Variants in DAB1 observed in about 807,000 individuals in gnomAD.
The protein encoded by DAB1 is disabled homolog 1.
In DAB1, 15 loss-of-function variants were observed where a neutral mutation model predicts 64.6. The ratio of observed to expected loss-of-function variants is 0.23; its 90% CI spans 0.16 to 0.36. The LOEUF is 0.36. Among genes scored for constraint, DAB1 ranks in the 10% least tolerant of loss-of-function variants. The probability of loss-of-function intolerance (pLI) is 1.00; values close to 1 mark genes in which losing one functional copy is unlikely to be tolerated. For missense variants in DAB1, 596 were observed against 706.7 expected, an observed-to-expected ratio of 0.84 and a Z score of 1.78; for synonymous variants, 235 against 251.9, an observed-to-expected ratio of 0.93 and a Z score of 0.64.
chr1:58,330,950 G>T lies in DAB1; in HGVS notation n.309+12402C>A, dbSNP rs144003311. On this transcript the variant is annotated intron_variant and non_coding_transcript_variant, in intron 4 of 20. Transcript: ENST00000485760. ...TTCTGCAGTCCATTGATGAAGGAAT[G>T]ATTTTGACTTTCAAGTCTTATTATT... 4.1e-3 allele frequency among the ~76,000 whole-genome samples: 621 copies of T among 152,248 alleles called. 2 individuals carry two copies. Among genetic ancestry groups the T allele is most frequent in the African/African-American group, 9.9e-3 (413 of 41,538 alleles).
chr1:57,883,271 T>C (rs1421121833), intron 1 of DAB1, among the ~76,000 whole-genome samples: 1 of 152,226 alleles, frequency 6.6e-6, no homozygotes, highest in Non-Finnish European at 1.5e-5. Flanking sequence ...TTACGTGACT[T>C]AATCAATTCA....
intron 4 of DAB1, among the ~76,000 whole-genome samples, chr1:58,229,320 C>A (rs1440183813): frequency 6.6e-6 from 1 of 152,122 alleles, no homozygotes; most frequent in Admixed American, 6.5e-5. Flanking sequence ...GTATCTCTTA[C>A]GTGCATTTTG....
chr1:58,040,598 G>T (rs1229567869), intron 5 of DAB1, among the ~76,000 whole-genome samples: 1 of 152,098 alleles, frequency 6.6e-6, no homozygotes, highest in African/African-American at 2.4e-5. Flanking sequence ...CTGTGTAATT[G>T]GTTCAGAACC....
At chr1:57,791,929 G>A (rs150528395) in intron 6 of DAB1, among the ~76,000 whole-genome samples, 13 of 152,088 alleles carry the variant, frequency 8.5e-5, no homozygotes, top group African/African-American at 2.4e-4. Context: ...TCCAAGTGCC[G>A]CTCTCTCTCC....
chr1:57,390,986 A>C (rs550087654), intron 1 of DAB1, among the ~76,000 whole-genome samples: 1 of 152,292 alleles, frequency 6.6e-6, no homozygotes, highest in African/African-American at 2.4e-5. Flanking sequence ...CAAATAGTTT[A>C]AGTTCTTCCA....
intron 1 of DAB1, among the ~76,000 whole-genome samples, chr1:57,387,686 G>T (rs1681991303): frequency 6.6e-6 from 1 of 152,046 alleles, no homozygotes; most frequent in Non-Finnish European, 1.5e-5. Flanking sequence ...GCCAAGCATG[G>T]TGGCGCACAC....
intron 4 of DAB1, among the ~76,000 whole-genome samples, chr1:58,299,874 A>C (rs1662081771): frequency 6.6e-6 from 1 of 152,158 alleles, no homozygotes; most frequent in African/African-American, 2.4e-5. Context: ...CCACATACCT[A>C]GGCCCTGTCC....
chr1:58,033,776 T>C (rs1228274596), intron 5 of DAB1, among the ~76,000 whole-genome samples: 2 of 152,238 alleles, frequency 1.3e-5, no homozygotes, highest in Non-Finnish European at 2.9e-5. Context: ...TCTGCTGATA[T>C]TTTTTATAAA....
At chr1:57,431,629 G>C (rs531243879) in intron 7 of DAB1, among the ~76,000 whole-genome samples, 8 of 152,144 alleles carry the variant, frequency 5.3e-5, no homozygotes, top group Admixed American at 2.0e-4. Context: ...AGCGGGTAGC[G>C]GACAGCAGCA....
intron 4 of DAB1, among the ~76,000 whole-genome samples, chr1:58,275,062 C>G (rs72667981): frequency 0.016 from 2,407 of 152,278 alleles, 35 homozygotes; most frequent in Middle Eastern, 0.041. Context: ...ACAAAGGTGC[C>G]AAGAACACTT....
chr1:58,230,543 G>C (rs899783624), intron 4 of DAB1, among the ~76,000 whole-genome samples: 3 of 152,144 alleles, frequency 2.0e-5, no homozygotes, highest in Non-Finnish European at 4.4e-5. Flanking sequence ...CAGCTGGCTT[G>C]ACCACTAACA....
At chr1:58,358,756 T>A (rs1307668661) in intron 3 of DAB1, among the ~76,000 whole-genome samples, 2 of 152,098 alleles carry the variant, frequency 1.3e-5, no homozygotes, top group Admixed American at 1.3e-4. Context: ...AATCCTAAGA[T>A]CCCCTTTGGA....
intron 2 of DAB1, among the ~76,000 whole-genome samples, chr1:57,237,018 C>A (rs149177138): frequency 1.3e-5 from 2 of 152,322 alleles, no homozygotes; most frequent in South Asian, 2.1e-4. Context: ...AGTAGTGCTA[C>A]TACTGCTGTA....
intron 7 of DAB1, among the ~76,000 whole-genome samples, chr1:57,592,983 T>G (rs1645463032): frequency 2.0e-5 from 3 of 152,164 alleles, no homozygotes; most frequent in African/African-American, 7.2e-5. Context: ...AATACATGAA[T>G]GTTGGAGAGA....
chr1:57,926,255 C>T (rs892518477), intron 5 of DAB1, among the ~76,000 whole-genome samples: 2 of 134,688 alleles, frequency 1.5e-5, no homozygotes, highest in Non-Finnish European at 3.4e-5. Flanking sequence ...TCCTGACGTC[C>T]ATAAAACTCT....
chr1:58,312,377 A>G (rs1377627154), intron 4 of DAB1, among the ~76,000 whole-genome samples: 6 of 152,344 alleles, frequency 3.9e-5, no homozygotes, highest in African/African-American at 1.4e-4. Context: ...CCCATGAACC[A>G]GATACTAGGA....
chr1:57,000,040 CTTT>C (rs397863684), intron 14 of DAB1, among the ~76,000 whole-genome samples: 3 of 112,462 alleles, frequency 2.7e-5, no homozygotes, highest in African/African-American at 3.3e-5. Context: ...TTCCTTCTGC[CTTT>C]TTTTTTTTTT....
chr1:58,375,308 G>C (rs1261949150), intron 3 of DAB1, among the ~76,000 whole-genome samples: 2 of 142,776 alleles, frequency 1.4e-5, no homozygotes, highest in Non-Finnish European at 3.0e-5. Flanking sequence ...TATGATATTG[G>C]CTGTGGGTTT....
At chr1:57,528,451 AAATTATTTTGATG>A (rs1644619205) in intron 7 of DAB1, among the ~76,000 whole-genome samples, 1 of 152,256 alleles carries the variant, frequency 6.6e-6, no homozygotes, top group African/African-American at 2.4e-5. Context: ...ATGGGACAGA[AAATTATTTTGATG>A]AATTATTTTG....
Sources: gnomAD v4.1 joint callset for allele counts (sites outside exome capture counted in the v4.1 genomes callset) on GRCh38, gnomAD v4.1.1 for gene constraint, MANE v1.5 for transcripts, NCBI Gene and HGNC (gene_info 2026-07-23, HGNC 2026-07-21) for gene names.